Variants in CNTN5 observed in about 807,000 individuals in gnomAD.
CNTN5 encodes the protein contactin-5.
In CNTN5, 77 loss-of-function variants were observed where a neutral mutation model predicts 129.1. The ratio of observed to expected loss-of-function variants is 0.60; its 90% CI spans 0.50 to 0.72. CNTN5 has a LOEUF of 0.72. Ranked by LOEUF, CNTN5 falls within the 30% of genes least tolerant of loss-of-function variation. The probability of loss-of-function intolerance (pLI) is 0.00; values close to 1 mark genes in which losing one functional copy is unlikely to be tolerated. For missense variants in CNTN5, 1,478 were observed against 1,328.8 expected (o/e 1.11, Z -1.75); for synonymous variants, 509 against 465.6 (o/e 1.09, Z -1.20).
chr11:100,150,982 C>T (rs984863154), intron 13 of CNTN5, among the ~76,000 whole-genome samples: 23 of 151,964 alleles, frequency 1.5e-4, no homozygotes, highest in African/African-American at 4.3e-4. Flanking sequence ...CTTGAGGACA[C>T]GGTAAAAAAG....
At chr11:99,084,929 A>G (rs4609573) in intron 1 of CNTN5, among the ~76,000 whole-genome samples, 30,019 of 152,050 alleles carry the variant, frequency 0.2, 3,341 homozygotes, top group South Asian at 0.28. Context: ...TCTGATTAAT[A>G]TATTTTTCAG....
intron 1 of CNTN5, among the ~76,000 whole-genome samples, chr11:99,241,523 C>G (rs779406434): frequency 3.3e-5 from 5 of 151,960 alleles, no homozygotes; most frequent in Non-Finnish European, 5.9e-5. Flanking sequence ...ACACTTTACT[C>G]TCAGTGAAGT....
At chr11:99,308,927 C>T (rs926932932) in intron 1 of CNTN5, among the ~76,000 whole-genome samples, 4 of 151,932 alleles carry the variant, frequency 2.6e-5, no homozygotes, top group African/African-American at 7.3e-5. Context: ...GCTTTTAAGC[C>T]CATCCAATGA....
intron 3 of CNTN5, among the ~76,000 whole-genome samples, chr11:99,674,529 T>A (rs1260984871): frequency 6.6e-6 from 1 of 152,152 alleles, no homozygotes; most frequent in Non-Finnish European, 1.5e-5. Context: ...ATGTTTGCCC[T>A]GCTCCCAAGA....
At chr11:99,834,277 G>A (rs1439991659) in intron 4 of CNTN5, among the ~76,000 whole-genome samples, 1 of 152,032 alleles carries the variant, frequency 6.6e-6, no homozygotes, top group Non-Finnish European at 1.5e-5. Context: ...CTGCATTCAC[G>A]GGGATTTTTA....
At chr11:99,558,211 A>C in intron 3 of CNTN5, 1 of 310,898 alleles carries the variant, frequency 3.2e-6, no homozygotes, top group Non-Finnish European at 6.4e-6. Flanking sequence ...TTTTTTGTGC[A>C]GCATTACTGT....
chr11:99,565,377 T>G (rs1360920382), intron 3 of CNTN5, among the ~76,000 whole-genome samples: 1 of 152,202 alleles, frequency 6.6e-6, no homozygotes, highest in Non-Finnish European at 1.5e-5. Context: ...AGAAAAAGAC[T>G]AAAAGTTGTC....
At chr11:99,767,164 A>G (rs1030319092) in intron 3 of CNTN5, among the ~76,000 whole-genome samples, 1 of 151,978 alleles carries the variant, frequency 6.6e-6, no homozygotes, top group Non-Finnish European at 1.5e-5. Context: ...GTATCTGTTT[A>G]TTTATTTATT....
At chr11:100,195,672 C>A (rs1376308412) in intron 15 of CNTN5, among the ~76,000 whole-genome samples, 4 of 151,856 alleles carry the variant, frequency 2.6e-5, no homozygotes, top group Non-Finnish European at 5.9e-5. Flanking sequence ...CCAAAATATA[C>A]TTTTAGTATG....
chr11:99,705,412 G>C (rs1440587411), intron 3 of CNTN5, among the ~76,000 whole-genome samples: 1 of 151,238 alleles, frequency 6.6e-6, no homozygotes, highest in African/African-American at 2.4e-5. Flanking sequence ...CTACAGAAAA[G>C]ACTCCATGCC....
At chr11:99,736,043 T>C (rs1943698230) in intron 3 of CNTN5, among the ~76,000 whole-genome samples, 1 of 152,172 alleles carries the variant, frequency 6.6e-6, no homozygotes, top group Admixed American at 6.5e-5. Flanking sequence ...TTTTTCTTTC[T>C]CTTTCTCTGT....
intron 3 of CNTN5, among the ~76,000 whole-genome samples, chr11:99,591,326 C>G (rs1021178790): frequency 5.0e-5 from 7 of 139,246 alleles, no homozygotes; most frequent in Non-Finnish European, 1.1e-4. Context: ...TTTTACATGA[C>G]TCAACAAAAC....
intron 9 of CNTN5, among the ~76,000 whole-genome samples, chr11:100,033,809 C>T (rs1486172519): frequency 6.6e-6 from 1 of 152,168 alleles, no homozygotes; most frequent in Non-Finnish European, 1.5e-5. Context: ...CTAATTGCGA[C>T]ACTCACCTTC....
intron 9 of CNTN5, among the ~76,000 whole-genome samples, chr11:100,058,119 T>C: frequency 6.6e-6 from 1 of 152,114 alleles, no homozygotes; most frequent in African/African-American, 2.4e-5. Flanking sequence ...TTATATAACT[T>C]GCTGCTAAAA....
intron 3 of CNTN5, among the ~76,000 whole-genome samples, chr11:99,809,560 C>T (rs1946370350): frequency 6.6e-6 from 1 of 152,048 alleles, no homozygotes; most frequent in South Asian, 2.1e-4. Flanking sequence ...AATTAGCCAT[C>T]TTGAATTCCA....
intron 13 of CNTN5, among the ~76,000 whole-genome samples, chr11:100,083,133 T>G (rs1241777386): frequency 6.6e-6 from 1 of 151,956 alleles, no homozygotes; most frequent in Admixed American, 6.6e-5. Flanking sequence ...CTGGATAACA[T>G]GGTGAAACAC....
intron 17 of CNTN5, among the ~76,000 whole-genome samples, chr11:100,257,240 T>C (rs186169263): frequency 7.2e-4 from 110 of 152,232 alleles, no homozygotes; most frequent in African/African-American, 1.9e-3. Flanking sequence ...CTCTAGATTC[T>C]TCCTCTCTGG....
chr11:100,152,374 A>C (rs1312662476), intron 13 of CNTN5, among the ~76,000 whole-genome samples: 1 of 152,014 alleles, frequency 6.6e-6, no homozygotes, highest in African/African-American at 2.4e-5. Flanking sequence ...TGGTCCCCTG[A>C]CTCCCTGTTC....
chr11:99,872,686 C>T (rs961235358), intron 6 of CNTN5, among the ~76,000 whole-genome samples: 1 of 152,056 alleles, frequency 6.6e-6, no homozygotes. Context: ...TTGGTTTCAT[C>T]TAGTCTTCCA....
Sources: allele counts gnomAD v4.1 joint callset (sites outside exome capture counted in the v4.1 genomes callset), GRCh38; gene constraint gnomAD v4.1.1; transcripts MANE v1.5; gene names NCBI Gene and HGNC (gene_info 2026-07-23, HGNC 2026-07-21).